The following TRPM8 variants were observed in gnomAD, a reference collection of about 807,000 sequenced individuals.
The protein encoded by TRPM8 is transient receptor potential cation channel subfamily M member 8, also known as TRPM8 cationic channel.
Under a neutral mutation model 133.7 loss-of-function variants are expected in TRPM8, and 110 were observed. The observed-to-expected ratio is 0.82, with a 90% CI of 0.70 to 0.96. The LOEUF is 0.96. TRPM8 is among the 40% of genes least tolerant of loss of function. TRPM8 has a pLI of 0.00. For missense variants in TRPM8, 1,291 were observed against 1,379.5 expected (o/e 0.94, Z 1.02); for synonymous variants, 535 against 532.3 (o/e 1.01, Z -0.07).
intron 17 of TRPM8, among the ~76,000 whole-genome samples, chr2:233,978,833 T>C (rs1274980280): frequency 6.6e-6 from 1 of 152,176 alleles, no homozygotes; most frequent in Non-Finnish European, 1.5e-5. Context: ...ATTTCCTGGG[T>C]GCTTGATTTC....
intron 3 of TRPM8, among the ~76,000 whole-genome samples, chr2:233,931,859 C>A (rs968843303): frequency 6.6e-6 from 1 of 152,200 alleles, no homozygotes; most frequent in Non-Finnish European, 1.5e-5. Flanking sequence ...GACTTACATA[C>A]TGGATTGCTA....
chr2:234,009,456 G>C (rs1299568733), intron 24 of TRPM8, among the ~76,000 whole-genome samples: 1 of 152,180 alleles, frequency 6.6e-6, no homozygotes, highest in East Asian at 1.9e-4. Context: ...AGTGGATGCA[G>C]GAAGAGAGGG....
chr2:233,996,045 A>T (rs1440413663), intron 21 of TRPM8, among the ~76,000 whole-genome samples: 1 of 151,842 alleles, frequency 6.6e-6, no homozygotes, highest in Admixed American at 6.6e-5. Flanking sequence ...TCATTGAAAG[A>T]TCTTGAAATA....
In TRPM8 at chr2:233,927,950, C is replaced by G. The variant is rs1195804521; in HGVS notation, c.117+1296C>G. 2.7e-5 allele frequency among the ~76,000 whole-genome samples: 2 copies of G among 72,872 alleles called. 1 individual carries two copies. The highest frequency in any genetic ancestry group is 1.0e-3 in the East Asian group (2 of 1,990). 47.8% of individuals were successfully genotyped at this position (72,872 alleles called of 152,430 possible). On this transcript the variant is annotated intron_variant, in intron 2 of 25. Transcript: ENST00000324695. ...TCTCTCTCTCTCTCTCTCTCTCTCT[C>G]TCTCTCTCTCTTTCTTTCTTTCTTT... is the stretch of plus-strand genomic sequence containing the variant.
In TRPM8 at chr2:233,947,352, A is replaced by G. The variant is rs1237441544; in HGVS notation, c.942+197A>G. On this transcript the variant is annotated intron_variant, in intron 8 of 25. Coordinates refer to ENST00000324695, the MANE Select transcript of TRPM8 (RefSeq NM_024080.5). The stretch of plus-strand genomic sequence containing the variant: ...CAAGAAGATTTGGGAGGAGAATTTC[A>G]GTGACATGAATAACCTGTGTACTTA... The G allele has an allele frequency of 2.0e-6, 3 of 1,536,340 alleles. No homozygotes were observed. In the African/African-American group the frequency reaches 4.1e-5, roughly 21 times the overall value.
chr2:234,004,409 C>T (rs1483338407), intron 22 of TRPM8, among the ~76,000 whole-genome samples: 1 of 152,216 alleles, frequency 6.6e-6, no homozygotes, highest in African/African-American at 2.4e-5. Flanking sequence ...ATGACTAATG[C>T]CTGAAACCGC....
chr2:233,930,839 A>G lies in TRPM8; in HGVS notation c.191+98A>G, dbSNP rs182137478. ...AATGCTCCCTAGTTCATTATTAAAG[A>G]TGTCTTCGTCTTATAATTCTCAGAA... is the stretch of plus-strand genomic sequence containing the variant. On this transcript the variant is annotated intron_variant, in intron 3 of 25. Transcript: ENST00000324695. 4 of 750,708 alleles carry G rather than the reference A, an allele frequency of 5.3e-6. No individual in the cohort carries two copies. In the Admixed American group the frequency reaches 9.1e-5, roughly 17 times the overall value. The allele number at this position is 750,708 out of a possible 1,614,324, so 46.5% of individuals were successfully genotyped here. A position where few individuals can be genotyped will look rare whatever the true frequency, so the allele number is the denominator to read the frequency against.
chr2:233,933,072 G>A lies in TRPM8; in HGVS notation c.191+2331G>A, dbSNP rs369707275. 6.6e-5 allele frequency among the ~76,000 whole-genome samples: 10 copies of A among 152,056 alleles called. No individual in the cohort carries two copies. In the East Asian group the frequency reaches 1.9e-3, roughly 29 times the overall value. On this transcript the variant is annotated intron_variant, in intron 3 of 25. Transcript: ENST00000324695. ...CCTGCTGCTGTGTCCTCTGAAATGT[G>A]CTGCCAGCTTAGGAGCCACCTTCTG...
intron 21 of TRPM8, among the ~76,000 whole-genome samples, chr2:233,986,091 A>G (rs1156351390): frequency 1.3e-5 from 2 of 152,216 alleles, no homozygotes; most frequent in Non-Finnish European, 2.9e-5. Context: ...ACCTGTGACA[A>G]TCTTCATCAA....
chr2:233,962,935 T>A (rs2125185202), intron 12 of TRPM8, among the ~76,000 whole-genome samples: 1 of 152,294 alleles, frequency 6.6e-6, no homozygotes, highest in Admixed American at 6.5e-5. Context: ...TGGAATCTAG[T>A]TTGAAGAATT....
intron 22 of TRPM8, among the ~76,000 whole-genome samples, chr2:233,997,867 A>G (rs1419030498): frequency 6.6e-6 from 1 of 152,152 alleles, no homozygotes; most frequent in Non-Finnish European, 1.5e-5. Flanking sequence ...CTGAAGTGGT[A>G]GCAGCTGTCA....
chr2:233,957,952 A>G (rs1386835878), intron 11 of TRPM8, among the ~76,000 whole-genome samples: 2 of 152,242 alleles, frequency 1.3e-5, no homozygotes, highest in Non-Finnish European at 2.9e-5. Context: ...TATGATGATT[A>G]AATCAGATAA....
chr2:233,954,052 C>A, intron 10 of TRPM8, 33 bp downstream of exon 10: 1 of 1,468,466 alleles, frequency 6.8e-7, no homozygotes, highest in Non-Finnish European at 9.3e-7. Flanking sequence ...GAAGTGTCAG[C>A]TTTGTGTTGC....
At position 233,945,707 on chromosome 2, in the gene TRPM8, C is replaced by A. The variant is rs532114265; in HGVS notation, c.700-149C>A. ...TAAAAGGAAGTCTGTACTATAAGAT[C>A]GCTAAGACCCCTCTGGATTTAGGAA... is the stretch of plus-strand genomic sequence containing the variant. On this transcript the variant is annotated intron_variant, in intron 6 of 25. Transcript: ENST00000324695. 3.1e-5 allele frequency: 19 copies of A among 615,530 alleles called. No homozygotes were observed. The East Asian group carries it at 5.2e-4, about 17-fold the overall frequency. The allele number at this position is 615,530 out of a possible 1,614,324, so 38.1% of individuals were successfully genotyped here.
At chr2:233,960,221 A>C (rs2125171117) in intron 11 of TRPM8, among the ~76,000 whole-genome samples, 1 of 152,316 alleles carries the variant, frequency 6.6e-6, no homozygotes, top group Non-Finnish European at 1.5e-5. Context: ...GTTTGCATAT[A>C]GTTTGATGCA....
intron 22 of TRPM8, among the ~76,000 whole-genome samples, chr2:234,005,857 G>A (rs983110209): frequency 6.6e-6 from 1 of 151,680 alleles, no homozygotes; most frequent in African/African-American, 2.4e-5. Flanking sequence ...GTTGCAGGGA[G>A]GCAGAGGTTG....
At chr2:233,926,912 ACT>A (rs1553653469) in intron 2 of TRPM8, among the ~76,000 whole-genome samples, 2 of 151,944 alleles carry the variant, frequency 1.3e-5, no homozygotes, top group Non-Finnish European at 2.9e-5. Flanking sequence ...ACTCCTTCAC[ACT>A]GTCTCTCCTG....
At chr2:233,924,218 C>T (rs1691467126) in intron 1 of TRPM8, among the ~76,000 whole-genome samples, 1 of 152,174 alleles carries the variant, frequency 6.6e-6, no homozygotes, top group Non-Finnish European at 1.5e-5. Flanking sequence ...CATGGACATC[C>T]CAGCCCTTTG....
intron 11 of TRPM8, 155 bp downstream of exon 11, chr2:233,955,405 T>C (rs1691270008): frequency 1.7e-6 from 1 of 591,978 alleles, no homozygotes; most frequent in Non-Finnish European, 3.0e-6. Context: ...AATTTCCTTG[T>C]TTGCAGCATG....
Sources: allele counts gnomAD v4.1 joint callset (sites outside exome capture counted in the v4.1 genomes callset), GRCh38; gene constraint gnomAD v4.1.1; transcripts MANE v1.5; gene names NCBI Gene and HGNC (gene_info 2026-07-23, HGNC 2026-07-21).